The following DLG2 variants were observed in gnomAD, a reference collection of about 807,000 sequenced individuals.
DLG2 encodes discs large MAGUK scaffold protein 2.
A neutral mutation model predicts 132.5 loss-of-function variants in DLG2; 45 were observed. The observed-to-expected ratio is 0.34, with a 90% CI of 0.27 to 0.44. The LOEUF is 0.44. DLG2 is among the 20% of genes least tolerant of loss of function. The probability of loss-of-function intolerance (pLI) is 1.00; values close to 1 mark genes in which losing one functional copy is unlikely to be tolerated. For missense variants in DLG2, 1,045 were observed against 1,196.9 expected, an observed-to-expected ratio of 0.87 and a Z score of 1.87; for synonymous variants, 424 against 419.6, an observed-to-expected ratio of 1.01 and a Z score of -0.13.
intron 18 of DLG2, among the ~76,000 whole-genome samples, chr11:83,650,218 G>C (rs2069728788): frequency 6.6e-6 from 1 of 152,182 alleles, no homozygotes; most frequent in Admixed American, 6.5e-5. Flanking sequence ...TATGCTGAAA[G>C]GGACTTTGAA....
intron 4 of DLG2, among the ~76,000 whole-genome samples, chr11:85,191,699 T>C (rs535069651): frequency 6.6e-6 from 1 of 152,258 alleles, no homozygotes; most frequent in African/African-American, 2.4e-5. Context: ...CAGGAAGATA[T>C]ATATAGATTG....
At chr11:83,607,281 C>A (rs992852725) in intron 19 of DLG2, among the ~76,000 whole-genome samples, 1 of 152,192 alleles carries the variant, frequency 6.6e-6, no homozygotes, top group Non-Finnish European at 1.5e-5. Context: ...ACAGAGAAAC[C>A]TTTAGGCCAA....
At chr11:85,249,769 G>A (rs534438648) in intron 4 of DLG2, among the ~76,000 whole-genome samples, 1 of 152,236 alleles carries the variant, frequency 6.6e-6, no homozygotes, top group Non-Finnish European at 1.5e-5. Flanking sequence ...TGGAGATAGT[G>A]GGCCAGGAAT....
At chr11:84,112,745 C>G (rs1008696150) in intron 9 of DLG2, among the ~76,000 whole-genome samples, 5 of 152,134 alleles carry the variant, frequency 3.3e-5, no homozygotes, top group Non-Finnish European at 4.4e-5. Flanking sequence ...CCAACCTTGA[C>G]TAGGCAAGAG....
Position 84,776,291 on chromosome 11 carries a change from A to G in DLG2, c.358-241560T>C, listed in dbSNP as rs973672540. 2.6e-5 allele frequency among the ~76,000 whole-genome samples: 4 copies of G among 152,086 alleles called. No individual in the cohort carries two copies. In the South Asian group the frequency reaches 6.2e-4, roughly 24 times the overall value. The stretch of plus-strand genomic sequence containing the variant: ...CACCTAATCCTAAGTAGCTGGGGCC[A>G]CAGGCACACACGACCATGCCTGGCT... On this transcript the variant is annotated intron_variant, in intron 6 of 27. Transcript: ENST00000376104.
chr11:84,755,577 C>G (rs537221548), intron 6 of DLG2, among the ~76,000 whole-genome samples: 1 of 152,220 alleles, frequency 6.6e-6, no homozygotes, highest in Non-Finnish European at 1.5e-5. Flanking sequence ...GCACCCGCCA[C>G]CACGCCCGGC....
chr11:84,130,538 GTA>G (rs1322534421), intron 9 of DLG2, among the ~76,000 whole-genome samples: 3 of 120,932 alleles, frequency 2.5e-5, no homozygotes, highest in African/African-American at 1.1e-4. Context: ...ATGTGTGTGT[GTA>G]TATATATATA....
At chr11:85,381,629 T>C (rs1411654574) in intron 3 of DLG2, among the ~76,000 whole-genome samples, 2 of 151,980 alleles carry the variant, frequency 1.3e-5, no homozygotes, top group African/African-American at 4.8e-5. Context: ...AAAAAGAAAC[T>C]ATTGGAACTA....
intron 6 of DLG2, among the ~76,000 whole-genome samples, chr11:84,629,822 AGAAAAG>A (rs2099628533): frequency 6.6e-6 from 1 of 152,194 alleles, no homozygotes; most frequent in Non-Finnish European, 1.5e-5. Flanking sequence ...GTGAAAGGGG[AGAAAAG>A]GAAAAGTGGA....
chr11:85,436,756 G>C (rs1187968416), intron 3 of DLG2, among the ~76,000 whole-genome samples: 3 of 152,166 alleles, frequency 2.0e-5, no homozygotes, highest in Non-Finnish European at 4.4e-5. Flanking sequence ...GATTCCTCAA[G>C]GGTCTAGAAC....
intron 6 of DLG2, among the ~76,000 whole-genome samples, chr11:85,025,920 A>G (rs1452692584): frequency 6.6e-6 from 1 of 151,922 alleles, no homozygotes; most frequent in Non-Finnish European, 1.5e-5. Flanking sequence ...ATGATTATCT[A>G]TTTGTTAGTA....
intron 8 of DLG2, among the ~76,000 whole-genome samples, chr11:84,223,546 A>T (rs2096945384): frequency 6.8e-6 from 1 of 148,046 alleles, no homozygotes; most frequent in Non-Finnish European, 1.5e-5. Flanking sequence ...AATTGGGAAA[A>T]TTTATGTGAC....
At chr11:83,657,253 C>T (rs1281387788) in intron 18 of DLG2, among the ~76,000 whole-genome samples, 1 of 151,856 alleles carries the variant, frequency 6.6e-6, no homozygotes. Context: ...GAATTGATTT[C>T]CCTAGCTCAC....
At chr11:84,631,584 T>C (rs2099632221) in intron 6 of DLG2, among the ~76,000 whole-genome samples, 1 of 151,762 alleles carries the variant, frequency 6.6e-6, no homozygotes, top group African/African-American at 2.4e-5. Flanking sequence ...CCAGGGAAAC[T>C]TGGAACTTCA....
At chr11:84,994,964 G>A (rs2057492692) in intron 6 of DLG2, among the ~76,000 whole-genome samples, 1 of 152,110 alleles carries the variant, frequency 6.6e-6, no homozygotes, top group Admixed American at 6.6e-5. Flanking sequence ...CACACAGATA[G>A]ATTCTTCTCA....
intron 3 of DLG2, among the ~76,000 whole-genome samples, chr11:85,571,174 T>C (rs1042383173): frequency 4.6e-5 from 7 of 152,180 alleles, no homozygotes; most frequent in African/African-American, 1.7e-4. Flanking sequence ...TTTCTTTGCA[T>C]GTCTTATAAA....
chr11:84,564,300 A>G (rs2099441085), intron 6 of DLG2, among the ~76,000 whole-genome samples: 1 of 152,214 alleles, frequency 6.6e-6, no homozygotes, highest in African/African-American at 2.4e-5. Context: ...GTGAGCAAGA[A>G]GCTGTCTAAA....
intron 6 of DLG2, among the ~76,000 whole-genome samples, chr11:84,707,310 A>C (rs1164919275): frequency 6.6e-6 from 1 of 151,760 alleles, no homozygotes; most frequent in East Asian, 1.9e-4. Flanking sequence ...TATTTTTTTC[A>C]TTCAGATATA....
intron 14 of DLG2, among the ~76,000 whole-genome samples, chr11:83,932,235 A>G (rs2154131614): frequency 6.6e-6 from 1 of 151,620 alleles, no homozygotes; most frequent in South Asian, 2.1e-4. Context: ...TCACATTTGA[A>G]GATTTTTTTT....
Sources: allele counts gnomAD v4.1 joint callset (sites outside exome capture counted in the v4.1 genomes callset), GRCh38; gene constraint gnomAD v4.1.1; transcripts MANE v1.5; gene names NCBI Gene and HGNC (gene_info 2026-07-23, HGNC 2026-07-21).